GREB1L: variants seen among roughly 807,000 people sequenced by gnomAD.
The protein encoded by GREB1L is GREB1-like protein.
A neutral mutation model predicts 200.8 loss-of-function variants in GREB1L; 17 were observed. The ratio of observed to expected loss-of-function variants is 0.08; its 90% confidence interval spans 0.06 to 0.13. The LOEUF is 0.13. Among genes scored for constraint, GREB1L ranks in the 10% least tolerant of loss-of-function variants. GREB1L has a pLI of 1.00. For missense variants in GREB1L, 1,657 were observed against 2,367.7 expected (o/e 0.70, Z 6.23); for synonymous variants, 789 against 893.0 (o/e 0.88, Z 2.08).
intron 4 of GREB1L, among the ~76,000 whole-genome samples, chr18:21,394,752 C>A (rs1464006029): frequency 6.6e-6 from 1 of 151,828 alleles, no homozygotes; most frequent in Non-Finnish European, 1.5e-5. Context: ...GTAAAATAAT[C>A]GTATTACATG....
chr18:21,371,903 A>G (rs73962948), intron 2 of GREB1L, among the ~76,000 whole-genome samples: 1 of 152,150 alleles, frequency 6.6e-6, no homozygotes, highest in Non-Finnish European at 1.5e-5. Flanking sequence ...TTTCACAAAA[A>G]TCTATGAAAT....
At chr18:21,471,620 C>CTTTT (rs77038675) in intron 15 of GREB1L, among the ~76,000 whole-genome samples, 1 of 142,348 alleles carries the variant, frequency 7.0e-6, no homozygotes, top group African/African-American at 2.9e-5. Flanking sequence ...TCTTTTGTTT[C>CTTTT]TTTTTTTTTT....
chr18:21,429,680 T>G (rs1218400263), intron 7 of GREB1L, among the ~76,000 whole-genome samples: 6 of 152,188 alleles, frequency 3.9e-5, no homozygotes, highest in Non-Finnish European at 7.3e-5. Context: ...GTGGGATTTA[T>G]TTTTGGTTTT....
chr18:21,409,335 G>A (rs956001054), intron 7 of GREB1L, among the ~76,000 whole-genome samples: 4 of 152,184 alleles, frequency 2.6e-5, no homozygotes, highest in Non-Finnish European at 5.9e-5. Flanking sequence ...CAAATTTATA[G>A]AGGAAGGAAG....
chr18:21,388,738 G>T (rs1433465450), intron 4 of GREB1L, among the ~76,000 whole-genome samples: 1 of 151,698 alleles, frequency 6.6e-6, no homozygotes, highest in African/African-American at 2.4e-5. Context: ...TAGAGATGGG[G>T]TTTCACCGGT....
chr18:21,256,985 A>G (rs1199406754), intron 1 of GREB1L, among the ~76,000 whole-genome samples: 1 of 146,308 alleles, frequency 6.8e-6, no homozygotes, highest in African/African-American at 2.5e-5. Flanking sequence ...AGCCTGGGTG[A>G]CAGAGTGAGA....
At position 21,520,817 on chromosome 18, in the gene GREB1L, C is replaced by G. The variant is rs1180925275; in HGVS notation, c.5602C>G (p.Leu1868Val). Residue 1868 changes from leucine to valine, a missense_variant, in exon 32 of 33, where the codon CTA becomes GTA. Leu to Val is a conservative substitution (Grantham distance 32, BLOSUM62 1). Coordinates refer to ENST00000424526, the MANE Select transcript of GREB1L (RefSeq NM_001142966.3). ...TGCTGATCTTAAGAAATTTAAATTTCTAAAAGGTAAGTCAAATTTAGTATC... is the reference window on the plus strand; with the variant it reads ...TGCTGATCTTAAGAAATTTAAATTTGTAAAAGGTAAGTCAAATTTAGTATC... ...VGADLKKFKF[L>V]KGATLCVICQ... 2 of 1,535,688 alleles carry G rather than the reference C, an allele frequency of 1.3e-6. No individual in the cohort carries two copies. The highest frequency in any genetic ancestry group is 1.4e-5 in the African/African-American group (1 of 72,102).
chr18:21,449,617 C>G lies in GREB1L; in HGVS notation c.1501C>G (p.Pro501Ala), dbSNP rs1480242087. ...CCTGCAGATAGGTGCTCAGTGTGTC[C>G]CTGTGTCACCAGGACAACTCCCCTG... ...RALQIGAQCVPVSPGQLPWLA... is the reference protein window; with the variant it reads ...RALQIGAQCVAVSPGQLPWLA... Residue 501 changes from proline to alanine, a missense_variant, in exon 12 of 33, where the codon CCT (proline) becomes GCT (alanine). By Grantham distance (27) the Pro-to-Ala change is conservative (BLOSUM62 -1). Transcript: ENST00000424526. 4.5e-6 allele frequency: 7 copies of G among 1,551,294 alleles called. No individual in the cohort carries two copies. The highest frequency in any genetic ancestry group is 4.9e-5 in the East Asian group (2 of 40,906).
In GREB1L at chr18:21,312,805, G is replaced by A. The variant is rs140428958; in HGVS notation, c.-119-53222G>A. On this transcript the variant is annotated intron_variant, in intron 1 of 32. Coordinates refer to ENST00000424526, the MANE Select transcript of GREB1L (RefSeq NM_001142966.3). ...TTGAGTTTGTGATCCGCCCACCTTG[G>A]CCTCCCAAAATTCTGGGATTACAGG... Among the ~76,000 whole-genome samples the A allele has an allele frequency of 4.7e-4, 72 of 152,178 alleles. No individual in the cohort carries two copies. The East Asian group carries it at 0.013, about 28-fold the overall frequency.
At chr18:21,438,960 C>CAAA (rs59125788) in intron 7 of GREB1L, among the ~76,000 whole-genome samples, 3 of 64,638 alleles carry the variant, frequency 4.6e-5, no homozygotes, top group African/African-American at 1.4e-4. Context: ...GACTCTGTCT[C>CAAA]AAAAAAAAAA....
At chr18:21,350,136 C>G (rs1011225422) in intron 1 of GREB1L, among the ~76,000 whole-genome samples, 10 of 152,050 alleles carry the variant, frequency 6.6e-5, no homozygotes, top group African/African-American at 2.4e-4. Context: ...TAGGGACTGC[C>G]TTTATCATCA....
At chr18:21,479,559 G>A (rs746904085) in intron 17 of GREB1L, among the ~76,000 whole-genome samples, 1 of 151,830 alleles carries the variant, frequency 6.6e-6, no homozygotes, top group Non-Finnish European at 1.5e-5. Flanking sequence ...TGTGTCTATA[G>A]TCCCAGCTAC....
At chr18:21,345,987 C>A (rs531570351) in intron 1 of GREB1L, among the ~76,000 whole-genome samples, 2 of 152,064 alleles carry the variant, frequency 1.3e-5, no homozygotes, top group South Asian at 4.2e-4. Flanking sequence ...TCATTTAGAT[C>A]ATTTCTGACT....
intron 10 of GREB1L, among the ~76,000 whole-genome samples, chr18:21,443,225 C>T (rs928658304): frequency 2.7e-5 from 4 of 150,458 alleles, no homozygotes; most frequent in Non-Finnish European, 4.4e-5. Context: ...GTTTTTGAGA[C>T]GGAGTCTCTC....
intron 7 of GREB1L, among the ~76,000 whole-genome samples, chr18:21,432,703 T>C (rs2033252624): frequency 7.4e-6 from 1 of 135,240 alleles, no homozygotes; most frequent in Admixed American, 7.9e-5. Context: ...TTTCTTTTTT[T>C]TCTTTTTTTT....
In GREB1L at chr18:21,511,639, G is replaced by C. The variant is rs536417580; in HGVS notation, c.4736-2182G>C. Among the ~76,000 whole-genome samples, 24 of 152,164 alleles carry C rather than the reference G, an allele frequency of 1.6e-4. No homozygotes were observed. The South Asian group carries it at 5.0e-3, about 32-fold the overall frequency. On this transcript the variant is annotated intron_variant, in intron 27 of 32. Coordinates refer to ENST00000424526, the MANE Select transcript of GREB1L (RefSeq NM_001142966.3). ...TCATTCTTTTGCATGTGACTATCAG[G>C]TTTTCCCAGCACCATTTTTCTTTAA...
intron 1 of GREB1L, among the ~76,000 whole-genome samples, chr18:21,248,066 C>T (rs143457722): frequency 6.6e-6 from 1 of 152,222 alleles, no homozygotes; most frequent in Admixed American, 6.5e-5. Flanking sequence ...GCATGCTAAC[C>T]ATGGAATGAA....
chr18:21,522,707 A>C lies in GREB1L; in HGVS notation c.5658A>C (p.Thr1886=). The change falls in exon 33 of 33, where the codon ACA becomes ACC. Residue 1886 remains threonine, a synonymous_variant. Coordinates refer to ENST00000424526, the MANE Select transcript of GREB1L (RefSeq NM_001142966.3). ...ICQDRSSLRQ[T]IVRLELEDEW... is the part of the protein sequence containing the mutation. ...AAGACAGAAGTTCCTTGCGCCAAAC[A>C]ATTGTCCGCTTAGAGCTAGAAGATG... The C allele has an allele frequency of 6.4e-7, 1 of 1,551,606 alleles. No individual in the cohort carries two copies. The highest frequency in any genetic ancestry group is 8.7e-7 in the Non-Finnish European group (1 of 1,146,970).
At chr18:21,377,808 C>G (rs1992543) in intron 2 of GREB1L, among the ~76,000 whole-genome samples, 30,155 of 151,814 alleles carry the variant, frequency 0.2, 7,123 homozygotes, top group African/African-American at 0.57. Flanking sequence ...TACTCGGGAG[C>G]CTGAGGCAGG....
Sources: allele counts gnomAD v4.1 joint callset (sites outside exome capture counted in the v4.1 genomes callset), GRCh38; gene constraint gnomAD v4.1.1; transcripts MANE v1.5; gene names NCBI Gene and HGNC (gene_info 2026-07-23, HGNC 2026-07-21).